Variants in CXADR observed in about 807,000 individuals in gnomAD.
The protein encoded by CXADR is coxsackievirus and adenovirus receptor.
Under a neutral mutation model 40.3 loss-of-function variants are expected in CXADR, and 20 were observed. The observed-to-expected ratio is 0.50, with a 90% CI of 0.35 to 0.72. CXADR has a LOEUF of 0.72. Among genes scored for constraint, CXADR ranks in the 30% least tolerant of loss-of-function variants. The probability of loss-of-function intolerance (pLI) is 0.01; values close to 1 mark genes in which losing one functional copy is unlikely to be tolerated. For synonymous variants in CXADR, 150 were observed against 161.3 expected, an observed-to-expected ratio of 0.93 and a Z score of 0.53; for missense variants, 332 against 449.1, an observed-to-expected ratio of 0.74 and a Z score of 2.36.
the CXADR span, among the ~76,000 whole-genome samples, chr21:17,616,143 C>T: frequency 6.6e-6 from 1 of 151,384 alleles, no homozygotes; most frequent in Non-Finnish European, 1.5e-5. Flanking sequence ...CCCAGCTGCT[C>T]AGGAGGCTGA....
At chr21:17,586,799 A>G (rs1209825976) in intron 7 of CXADR, among the ~76,000 whole-genome samples, 1 of 152,180 alleles carries the variant, frequency 6.6e-6, no homozygotes, top group Non-Finnish European at 1.5e-5. Context: ...CAGGTTTGTT[A>G]CATATGTATA....
At chr21:17,513,334 C>T (rs947283726) in intron 1 of CXADR, among the ~76,000 whole-genome samples, 162 bp downstream of exon 1, 2 of 152,030 alleles carry the variant, frequency 1.3e-5, no homozygotes, top group Non-Finnish European at 2.9e-5. Flanking sequence ...GGCGCTTTTG[C>T]TGGGCCGGGC....
chr21:17,550,938 C>T (rs1411087715), intron 2 of CXADR, among the ~76,000 whole-genome samples: 1 of 152,094 alleles, frequency 6.6e-6, no homozygotes, highest in African/African-American at 2.4e-5. Flanking sequence ...GTCTAGAGCC[C>T]TCAAGTAACT....
At chr21:17,532,202 C>A (rs2060687398) in intron 1 of CXADR, among the ~76,000 whole-genome samples, 2 of 152,054 alleles carry the variant, frequency 1.3e-5, no homozygotes, top group African/African-American at 2.4e-5. Context: ...CAAAGTGTTG[C>A]TATTACAGGT....
chr21:17,583,160 G>A (rs2061372538), intron 7 of CXADR, among the ~76,000 whole-genome samples: 1 of 152,188 alleles, frequency 6.6e-6, no homozygotes, highest in African/African-American at 2.4e-5. Flanking sequence ...AATTACATGA[G>A]AGGAACCATA....
rs751215181 is a variant in CXADR at position 17,547,115 on chromosome 21, G to A, written c.132G>A (p.Thr44=). The A allele has an allele frequency of 1.3e-4, 217 of 1,613,992 alleles. No homozygotes were observed. The highest frequency in any genetic ancestry group is 1.7e-4 in the Non-Finnish European group (201 of 1,180,030). ...GETAYLPCKF[T]LSPEDQGPLD... ...CTGCCTATCTGCCATGCAAATTTAC[G>A]CTTAGTCCCGAAGACCAGGGACCGC... The change falls in exon 2 of 7, where the codon ACG becomes ACA. Residue 44 remains threonine, a synonymous_variant. Transcript: ENST00000284878.
At chr21:17,570,679 T>C (rs755532125), downstream of CXADR, among the ~76,000 whole-genome samples, 21 of 152,300 alleles carry the variant, frequency 1.4e-4, no homozygotes, top group Middle Eastern at 3.4e-3. Flanking sequence ...GATTTCAGCA[T>C]AATGGTGAGA....
intron 1 of CXADR, among the ~76,000 whole-genome samples, chr21:17,522,371 C>T (rs2060542468): frequency 6.6e-6 from 1 of 152,094 alleles, no homozygotes; most frequent in African/African-American, 2.4e-5. Context: ...TGGTTGTGAA[C>T]TCCCGACCTC....
Position 17,528,687 on chromosome 21 carries a change from C to T in CXADR, c.43+15515C>T, listed in dbSNP as rs146680962. ...CCTCCCAAAGTGCTGGGATTACAAG[C>T]GTGAGGCAGCACGCCCGGCCAACCA... On this transcript the variant is annotated intron_variant, in intron 1 of 6. Coordinates refer to ENST00000284878, the MANE Select transcript of CXADR (RefSeq NM_001338.5). Among the ~76,000 whole-genome samples, 9 of 152,224 alleles carry T rather than the reference C, an allele frequency of 5.9e-5. No individual in the cohort carries two copies. In the East Asian group the frequency reaches 7.8e-4, roughly 13 times the overall value.
chr21:17,572,913 CTT>C (rs2061290702), downstream of CXADR, among the ~76,000 whole-genome samples: 1 of 152,138 alleles, frequency 6.6e-6, no homozygotes, highest in Non-Finnish European at 1.5e-5. Flanking sequence ...CCGTCAAAGT[CTT>C]TTTAAATGGC....
intron 7 of CXADR, among the ~76,000 whole-genome samples, chr21:17,587,213 C>T (rs1476054696): frequency 6.6e-6 from 1 of 152,136 alleles, no homozygotes; most frequent in African/African-American, 2.4e-5. Flanking sequence ...GTGCATGTGT[C>T]CTTATAGCAG....
At position 17,551,833 on chromosome 21, in the gene CXADR, A is replaced by G. The variant is rs2060973016; in HGVS notation, c.295A>G (p.Lys99Glu). ...GRVHFTSNDL[K>E]SGDASINVTN... is the part of the protein sequence containing the mutation. ...AGTACATTTTACGAGTAATGATCTC[A>G]AATCTGGTGATGCATCAATAAATGT... The change falls in exon 3 of 7, where the codon AAA becomes GAA. Residue 99 changes from lysine (K) to glutamate (E), a missense_variant. Physicochemically the swap from Lys to Glu is moderately conservative, Grantham distance 56. Coordinates refer to ENST00000284878, the MANE Select transcript of CXADR (RefSeq NM_001338.5). 1 of 1,613,800 alleles carries G rather than the reference A, an allele frequency of 6.2e-7. No individual in the cohort carries two copies. Among genetic ancestry groups the G allele is most frequent in the Non-Finnish European group, 8.5e-7 (1 of 1,179,704 alleles).
intron 1 of CXADR, among the ~76,000 whole-genome samples, chr21:17,545,784 T>G (rs1013605434): frequency 2.7e-5 from 4 of 149,666 alleles, no homozygotes; most frequent in Admixed American, 6.6e-5. Context: ...TTTTTTTGTT[T>G]TTTTTTTTTT....
the CXADR span, chr21:17,612,722 G>A: frequency 6.5e-6 from 1 of 153,248 alleles, no homozygotes; most frequent in South Asian, 2.1e-4. Flanking sequence ...GCCGCTCTTC[G>A]GCCGGAGATT....
At chr21:17,520,578 G>A (rs1372992112) in intron 1 of CXADR, among the ~76,000 whole-genome samples, 1 of 152,204 alleles carries the variant, frequency 6.6e-6, no homozygotes, top group Non-Finnish European at 1.5e-5. Flanking sequence ...GTGTCGAGAA[G>A]TAAGGTTATA....
intron 1 of CXADR, chr21:17,542,957 G>A (rs1006694724): frequency 1.6e-5 from 4 of 252,790 alleles, no homozygotes; most frequent in African/African-American, 9.3e-5. Flanking sequence ...TGTGAAAAGA[G>A]GCCCTTCAGT....
chr21:17,527,068 A>G (rs1466532807), intron 1 of CXADR: 5 of 152,218 alleles, frequency 3.3e-5, no homozygotes, highest in East Asian at 1.9e-4. Context: ...GAATTCTGAA[A>G]TTAGGATCTA....
intron 1 of CXADR, among the ~76,000 whole-genome samples, chr21:17,534,032 A>ATATATATATATATATATAGC (rs1555864957): frequency 4.9e-5 from 4 of 81,400 alleles, no homozygotes; most frequent in African/African-American, 2.1e-4. Context: ...ATATATAGCT[A>ATATATATATATATATATAGC]TATATATATA....
chr21:17,518,678 C>A lies in CXADR; in HGVS notation c.43+5506C>A, dbSNP rs1041585686. On this transcript the variant is annotated intron_variant, in intron 1 of 6. Coordinates refer to ENST00000284878, the MANE Select transcript of CXADR (RefSeq NM_001338.5). ...TTCCTAAGGCTTGTTAAACTGTCAG[C>A]ACCAAGCTGACTTAATATTCCAGGT... The A allele has an allele frequency of 6.2e-6, 10 of 1,610,162 alleles. No individual in the cohort carries two copies. The Admixed American group carries it at 1.0e-4, about 16-fold the overall frequency.
Sources: allele counts gnomAD v4.1 joint callset (sites outside exome capture counted in the v4.1 genomes callset), GRCh38; gene constraint gnomAD v4.1.1; transcripts MANE v1.5; gene names NCBI Gene and HGNC (gene_info 2026-07-23, HGNC 2026-07-21).